RDX: variants seen among roughly 807,000 people sequenced by gnomAD.
RDX encodes radixin, also known as deafness, autosomal recessive 24.
RDX carries 32 observed loss-of-function variants against 83.7 expected under a neutral mutation model. The observed-to-expected ratio is 0.38, with a 90% confidence interval of 0.29 to 0.51. The LOEUF is 0.51. Ranked by LOEUF, RDX falls within the 20% of genes least tolerant of loss-of-function variation. The probability of loss-of-function intolerance (pLI) is 0.87; values close to 1 mark genes in which losing one functional copy is unlikely to be tolerated. For synonymous variants in RDX, 229 were observed against 222.7 expected, an observed-to-expected ratio of 1.03 and a Z score of -0.25; for missense variants, 600 against 689.9, an observed-to-expected ratio of 0.87 and a Z score of 1.46.
At chr11:110,275,517 G>A (rs753935413) in intron 2 of RDX, among the ~76,000 whole-genome samples, 2 of 152,192 alleles carry the variant, frequency 1.3e-5, no homozygotes, top group South Asian at 2.1e-4. Context: ...AGTACAATAC[G>A]TTTAACTGAC....
At chr11:110,255,261 T>A (rs1341103591) in intron 8 of RDX, 28 bp downstream of exon 8, 1 of 1,161,208 alleles carries the variant, frequency 8.6e-7, no homozygotes, top group South Asian at 1.2e-5. Context: ...AAACAGTTAA[T>A]ACACAAAATA....
At chr11:110,209,100 C>A (rs916729255) in intron 14 of RDX, among the ~76,000 whole-genome samples, 5 of 152,166 alleles carry the variant, frequency 3.3e-5, no homozygotes, top group African/African-American at 4.8e-5. Context: ...CTAGGGAGTG[C>A]CAGAGAGTGG....
rs554799694 is a variant in RDX at position 110,272,782 on chromosome 11, T to A, written c.13-163A>T. The stretch of plus-strand genomic sequence containing the variant: ...CTTATAAAGTCCTCATTTAGGAACA[T>A]CTATTGAATACTTAACATATACTGG... On this transcript the variant is annotated intron_variant, in intron 2 of 13. Coordinates refer to ENST00000645495, the MANE Select transcript of RDX (RefSeq NM_002906.4). 273 of 618,414 alleles carry A rather than the reference T, an allele frequency of 4.4e-4. 1 individual carries two copies. The South Asian group carries it at 5.0e-3, about 11-fold the overall frequency. The allele number at this position is 618,414 out of a possible 1,614,324, so 38.3% of individuals were successfully genotyped here.
chr11:110,196,572 A>G (rs534238421), intron 15 of RDX, among the ~76,000 whole-genome samples: 27 of 152,318 alleles, frequency 1.8e-4, no homozygotes, highest in Non-Finnish European at 1.6e-4. Context: ...CGTGAATCCC[A>G]AGAGAAATTG....
intron 3 of RDX, among the ~76,000 whole-genome samples, chr11:110,267,565 C>CACACAA (rs3138554): frequency 7.3e-4 from 103 of 140,862 alleles, no homozygotes; most frequent in Non-Finnish European, 1.3e-3. Context: ...CACACACACA[C>CACACAA]AAATAATCTT....
At chr11:110,277,381 G>A (rs1331103655) in intron 2 of RDX, among the ~76,000 whole-genome samples, 2 of 152,050 alleles carry the variant, frequency 1.3e-5, no homozygotes, top group Non-Finnish European at 1.5e-5. Flanking sequence ...GTGCAGTGGT[G>A]CGATCTTGGC....
At chr11:110,201,903 TTGTGTGTGTGTGTGTGTGTGTGTG>T (rs141731309) in intron 14 of RDX, among the ~76,000 whole-genome samples, 18 of 137,220 alleles carry the variant, frequency 1.3e-4, no homozygotes, top group East Asian at 4.4e-4. Flanking sequence ...CCGGCTAATT[TTGTGTGTGTGTGTGTGTGTGTGTG>T]TGTGTGTGTG....
intron 9 of RDX, among the ~76,000 whole-genome samples, chr11:110,248,355 G>A (rs1859201619): frequency 6.6e-6 from 1 of 151,994 alleles, no homozygotes; most frequent in African/African-American, 2.4e-5. Flanking sequence ...GTTCAAAATA[G>A]CATATGTAGT....
Position 110,229,965 on chromosome 11 carries a change from C to G in RDX, c.*1904G>C, listed in dbSNP as rs1034802276. ...GATGTACTGCAAGTAGGAATATTCT[C>G]TTCCATAGGATTCTGAAGCATGTGC... On this transcript the variant is annotated 3_prime_UTR_variant, in exon 14 of 14. Coordinates refer to ENST00000645495, the MANE Select transcript of RDX (RefSeq NM_002906.4). 1.3e-5 allele frequency: 2 copies of G among 152,488 alleles called. No individual in the cohort carries two copies. Among genetic ancestry groups the G allele is most frequent in the African/African-American group, 4.8e-5 (2 of 41,438 alleles). 9.4% of individuals were successfully genotyped at this position (152,488 alleles called of 1,614,324 possible).
chr11:110,208,790 C>G (rs1163202707), intron 14 of RDX, among the ~76,000 whole-genome samples: 1 of 152,124 alleles, frequency 6.6e-6, no homozygotes, highest in Non-Finnish European at 1.5e-5. Context: ...AACCCCTTCT[C>G]TATAAAAATA....
chr11:110,180,374 G>C lies in RDX; in HGVS notation c.*32-5140C>G, dbSNP rs543646102. 2.0e-5 allele frequency among the ~76,000 whole-genome samples: 3 copies of C among 152,212 alleles called. No homozygotes were observed. In the South Asian group the frequency reaches 6.2e-4, roughly 32 times the overall value. ...CCTCATTAGCTCCAGCTTTGGGCTG[G>C]GATTCATTCCCTCCCAACTTCAGCG... On this transcript the variant is annotated intron_variant, in intron 15 of 15. Coordinates refer to the RDX transcript ENST00000528498.
chr11:110,211,106 G>T (rs1352245489), intron 14 of RDX, among the ~76,000 whole-genome samples: 2 of 152,172 alleles, frequency 1.3e-5, no homozygotes, highest in Non-Finnish European at 2.9e-5. Context: ...CAACTCATGT[G>T]CAGAGACACA....
At chr11:110,251,025 C>T (rs1417884392) in intron 9 of RDX, among the ~76,000 whole-genome samples, 1 of 152,172 alleles carries the variant, frequency 6.6e-6, no homozygotes, top group African/African-American at 2.4e-5. Context: ...ATATTTTTAT[C>T]TCTACATATT....
chr11:110,243,054 T>C (rs193144936), intron 10 of RDX, among the ~76,000 whole-genome samples: 2 of 152,148 alleles, frequency 1.3e-5, no homozygotes, highest in East Asian at 3.9e-4. Context: ...ACAGACAGAG[T>C]ATCCTAATCC....
At chr11:110,237,918 C>CCCA in intron 10 of RDX, 1 of 397,724 alleles carries the variant, frequency 2.5e-6, no homozygotes, top group Non-Finnish European at 4.7e-6. Flanking sequence ...ACTACAGGCG[C>CCCA]TATACCTCGT....
chr11:110,250,539 G>A (rs1178247040), intron 9 of RDX, among the ~76,000 whole-genome samples: 1 of 152,138 alleles, frequency 6.6e-6, no homozygotes, highest in Non-Finnish European at 1.5e-5. Flanking sequence ...TTCAGACCCA[G>A]CTCTGGCATA....
intron 14 of RDX, among the ~76,000 whole-genome samples, chr11:110,212,666 C>G (rs1863881720): frequency 1.3e-5 from 1 of 77,712 alleles, no homozygotes; most frequent in Non-Finnish European, 2.5e-5. Flanking sequence ...CCCTGGGATG[C>G]AAAGCTGGTT....
At chr11:110,227,636 ATAAGT>A (rs962596811), downstream of RDX, among the ~76,000 whole-genome samples, 7 of 150,618 alleles carry the variant, frequency 4.6e-5, no homozygotes, top group South Asian at 4.1e-4. Context: ...TAAGGCTAAG[ATAAGT>A]TAATATTTGA....
intron 15 of RDX, among the ~76,000 whole-genome samples, chr11:110,178,813 T>C (rs1427641270): frequency 2.6e-5 from 4 of 152,130 alleles, no homozygotes. Flanking sequence ...CTTTACAGAT[T>C]ATAAAGAGGG....
Sources: allele counts gnomAD v4.1 joint callset (sites outside exome capture counted in the v4.1 genomes callset), GRCh38; gene constraint gnomAD v4.1.1; transcripts MANE v1.5; gene names NCBI Gene and HGNC (gene_info 2026-07-23, HGNC 2026-07-21).